FAM241A: variants seen among roughly 807,000 people sequenced by gnomAD.
The protein encoded by FAM241A is family with sequence similarity 241 member A.
Under a neutral mutation model 12.2 loss-of-function variants are expected in FAM241A, and 7 were observed. The observed-to-expected ratio is 0.58, with a 90% CI of 0.33 to 1.08. The LOEUF is 1.08. Among genes scored for constraint, FAM241A ranks in the 50% least tolerant of loss-of-function variants. The pLI is 0.04. For missense variants in FAM241A, 161 were observed against 169.7 expected (o/e 0.95, Z 0.29); for synonymous variants, 74 against 68.2 (o/e 1.08, Z -0.42).
At chr4:112,172,491 A>G (rs1275904310) in intron 1 of FAM241A, among the ~76,000 whole-genome samples, 1 of 152,234 alleles carries the variant, frequency 6.6e-6, no homozygotes. Context: ...TATCATTTTT[A>G]AAAACATCAT....
chr4:112,161,735 G>C (rs1723474889), intron 1 of FAM241A, among the ~76,000 whole-genome samples: 1 of 152,166 alleles, frequency 6.6e-6, no homozygotes, highest in Admixed American at 6.5e-5. Flanking sequence ...GAGGTACAAA[G>C]AGGAGCTGGT....
intron 1 of FAM241A, among the ~76,000 whole-genome samples, chr4:112,184,127 C>G (rs995755398): frequency 6.6e-6 from 1 of 152,188 alleles, no homozygotes; most frequent in Non-Finnish European, 1.5e-5. Flanking sequence ...TCATGTCACT[C>G]AGTTAAAGTG....
chr4:112,150,470 T>C (rs1723225762), intron 1 of FAM241A, among the ~76,000 whole-genome samples: 1 of 152,244 alleles, frequency 6.6e-6, no homozygotes, highest in African/African-American at 2.4e-5. Context: ...AAAATAATTT[T>C]GCTTCCTTTC....
At chr4:112,150,877 G>A (rs1723233213) in intron 1 of FAM241A, among the ~76,000 whole-genome samples, 1 of 152,214 alleles carries the variant, frequency 6.6e-6, no homozygotes, top group Non-Finnish European at 1.5e-5. Context: ...GATGTACTTA[G>A]AGCAGTCTCT....
At chr4:112,176,545 G>A (rs148570064) in intron 1 of FAM241A, among the ~76,000 whole-genome samples, 1 of 152,266 alleles carries the variant, frequency 6.6e-6, no homozygotes, top group Admixed American at 6.5e-5. Context: ...TGGGCTATGG[G>A]ACTTAACCTC....
In FAM241A at chr4:112,161,374, T is replaced by C. The variant is rs568108041; in HGVS notation, c.153+15641T>C. Reference sequence around the variant, plus strand: ...TCAAAAAATCAATGAATCTAGGAGCTGGTTTTTTGAAAAGATCAACAAAAT... The same window carrying C: ...TCAAAAAATCAATGAATCTAGGAGCCGGTTTTTTGAAAAGATCAACAAAAT... On this transcript the variant is annotated intron_variant, in intron 1 of 1. Transcript: ENST00000309733. Among the ~76,000 whole-genome samples, 11 of 152,224 alleles carry C rather than the reference T, an allele frequency of 7.2e-5. No individual in the cohort carries two copies. In the South Asian group the frequency reaches 1.7e-3, roughly 23 times the overall value.
chr4:112,177,335 A>G lies in FAM241A; in HGVS notation c.154-9358A>G, dbSNP rs146430261. 2.6e-3 allele frequency among the ~76,000 whole-genome samples: 394 copies of G among 152,336 alleles called. 3 individuals carry two copies. Among genetic ancestry groups the G allele is most frequent in the South Asian group, 9.7e-3 (47 of 4,832 alleles). ...GCTTATCTTTTCAGAGGTGGAATAC[A>G]TAAAATGTCTCTGAAAACTAAGCAG... is the stretch of plus-strand genomic sequence containing the variant. On this transcript the variant is annotated intron_variant, in intron 1 of 1. Coordinates refer to ENST00000309733, the MANE Select transcript of FAM241A (RefSeq NM_152400.3).
intron 1 of FAM241A, among the ~76,000 whole-genome samples, chr4:112,151,042 A>T (rs1282975445): frequency 1.3e-5 from 2 of 152,204 alleles, no homozygotes; most frequent in Non-Finnish European, 2.9e-5. Flanking sequence ...GCATTAATAT[A>T]GTTTGGGCGT....
chr4:112,182,986 G>C (rs1723971581), intron 1 of FAM241A, among the ~76,000 whole-genome samples: 1 of 150,710 alleles, frequency 6.6e-6, no homozygotes, highest in Middle Eastern at 3.4e-3. Context: ...TGCCTGCCTG[G>C]AAACTGACAC....
At chr4:112,155,475 A>G (rs973105600) in intron 1 of FAM241A, among the ~76,000 whole-genome samples, 3 of 151,974 alleles carry the variant, frequency 2.0e-5, no homozygotes, top group South Asian at 4.1e-4. Flanking sequence ...AAACAATGCT[A>G]TAATTTTTCA....
intron 1 of FAM241A, among the ~76,000 whole-genome samples, chr4:112,180,047 A>G (rs1320031555): frequency 1.3e-5 from 2 of 150,706 alleles, no homozygotes; most frequent in Admixed American, 6.6e-5. Flanking sequence ...TATCCTTTGT[A>G]GCAGTCAACA....
intron 1 of FAM241A, among the ~76,000 whole-genome samples, chr4:112,151,453 C>T (rs1397761669): frequency 7.2e-5 from 11 of 152,116 alleles, no homozygotes; most frequent in Admixed American, 7.2e-4. Flanking sequence ...TTTTTTATAG[C>T]AATGGAAACT....
chr4:112,189,903 A>G lies in FAM241A; in HGVS notation c.*2965A>G, dbSNP rs564430975. ...TGTTAAACATACATCAGCACACCCTAGAGGCCACATTCCCATTTCTATTCC... is the reference window on the plus strand; with the variant it reads ...TGTTAAACATACATCAGCACACCCTGGAGGCCACATTCCCATTTCTATTCC... On this transcript the variant is annotated 3_prime_UTR_variant, in exon 2 of 2. Transcript: ENST00000309733. The G allele has an allele frequency of 6.6e-6, 1 of 151,316 alleles. No homozygotes were observed. The highest frequency in any genetic ancestry group is 1.9e-4 in the East Asian group (1 of 5,176). 9.4% of individuals were successfully genotyped at this position (151,316 alleles called of 1,614,324 possible). A position where few individuals can be genotyped will look rare whatever the true frequency, so the allele number is the denominator to read the frequency against.
Position 112,188,717 on chromosome 4 carries a change from T to C in FAM241A, c.*1779T>C, listed in dbSNP as rs1289665136. On this transcript the variant is annotated 3_prime_UTR_variant, in exon 2 of 2. Transcript: ENST00000309733. ...TTTTTTCTAATGCTACTGGAAATTT[T>C]ACTTTTCCTTTGCAACACATAAATG... 1 of 152,184 alleles carries C rather than the reference T, an allele frequency of 6.6e-6. No individual in the cohort carries two copies. Among genetic ancestry groups the C allele is most frequent in the Non-Finnish European group, 1.5e-5 (1 of 68,022 alleles). The allele number at this position is 152,184 out of a possible 1,614,324, so 9.4% of individuals were successfully genotyped here.
In FAM241A at chr4:112,194,904, G is replaced by A. The variant is rs1724237797; in HGVS notation, c.*7966G>A. The A allele has an allele frequency of 6.6e-6, 1 of 152,236 alleles. No individual in the cohort carries two copies. Among genetic ancestry groups the A allele is most frequent in the Admixed American group, 6.5e-5 (1 of 15,274 alleles). 9.4% of individuals were successfully genotyped at this position (152,236 alleles called of 1,614,324 possible). The stretch of plus-strand genomic sequence containing the variant: ...AAGCAATTCTCCTGTCTCAGCAGGA[G>A]TGGTTGGGATTACAGGCACATGCTG... On this transcript the variant is annotated 3_prime_UTR_variant, in exon 2 of 2. Transcript: ENST00000309733.
intron 1 of FAM241A, among the ~76,000 whole-genome samples, chr4:112,160,851 T>C (rs928513314): frequency 7.9e-5 from 12 of 152,098 alleles, no homozygotes; most frequent in African/African-American, 2.4e-4. Flanking sequence ...AAACTGGATA[T>C]CCATATGCAG....
intron 1 of FAM241A, among the ~76,000 whole-genome samples, chr4:112,160,840 A>G (rs537678078): frequency 1.5e-4 from 23 of 152,338 alleles, no homozygotes; most frequent in African/African-American, 4.6e-4. Context: ...TGCTGTGGGA[A>G]AAACTGGATA....
At chr4:112,171,523 A>C (rs1723719127) in intron 1 of FAM241A, 1 of 763,822 alleles carries the variant, frequency 1.3e-6, no homozygotes. Flanking sequence ...CAAGTGATTC[A>C]GTTCTAAGTG....
chr4:112,148,742 A>G (rs763321548), intron 1 of FAM241A, among the ~76,000 whole-genome samples: 1 of 152,230 alleles, frequency 6.6e-6, no homozygotes, highest in African/African-American at 2.4e-5. Flanking sequence ...GAGATGATCC[A>G]AGTATGTTCA....
Sources: allele counts gnomAD v4.1 joint callset (sites outside exome capture counted in the v4.1 genomes callset), GRCh38; gene constraint gnomAD v4.1.1; transcripts MANE v1.5; gene names NCBI Gene and HGNC (gene_info 2026-07-23, HGNC 2026-07-21).